Variants in SLC16A5 observed in about 807,000 individuals in gnomAD.
The protein encoded by SLC16A5 is monocarboxylate transporter 6.
In SLC16A5, 29 loss-of-function variants were observed where a neutral mutation model predicts 33.2. That is an observed-to-expected ratio of 0.87 (90% CI 0.65 to 1.19). The LOEUF (loss-of-function observed/expected upper bound fraction) is 1.19. SLC16A5 is among the 50% of genes most tolerant of loss of function. The pLI is 0.00. For synonymous variants in SLC16A5, 248 were observed against 284.1 expected, an observed-to-expected ratio of 0.87 and a Z score of 1.28; for missense variants, 606 against 678.2, an observed-to-expected ratio of 0.89 and a Z score of 1.18.
chr17:75,100,354 A>T lies in SLC16A5; in HGVS notation c.691A>T (p.Ile231Phe), dbSNP rs2073777040. 10 of 1,614,120 alleles carry T rather than the reference A, an allele frequency of 6.2e-6. No homozygotes were observed. The highest frequency in any genetic ancestry group is 7.6e-6 in the Non-Finnish European group (9 of 1,180,028). The change falls in exon 5 of 7, where the codon ATC becomes TTC. Residue 231 changes from isoleucine to phenylalanine, a missense_variant. By Grantham distance (21) the Ile-to-Phe change is conservative (BLOSUM62 0). Coordinates refer to ENST00000329783, the MANE Select transcript of SLC16A5 (RefSeq NM_004695.4). ...RTIQRHLAFD[I>F]LRHNTGYCVY... ...CATCCAGCGCCACCTGGCCTTCGACATCCTGCGGCACAACACAGGCTACTG... is the reference window on the plus strand; with the variant it reads ...CATCCAGCGCCACCTGGCCTTCGACTTCCTGCGGCACAACACAGGCTACTG...
At chr17:75,102,232 C>A (rs1293519796) in intron 5 of SLC16A5, among the ~76,000 whole-genome samples, 1 of 152,114 alleles carries the variant, frequency 6.6e-6, no homozygotes, top group East Asian at 1.9e-4. Flanking sequence ...CATGGTGAAA[C>A]CCCATCTCTA....
At position 75,100,699 on chromosome 17, in the gene SLC16A5, G is replaced by A. The variant is rs377663371; in HGVS notation, c.1036G>A (p.Gly346Ser). ...GTACAGCGTGTCCATGAGTGGCATC[G>A]GCGCCCTCATCTTCCAGGTTCTCAT... is the stretch of plus-strand genomic sequence containing the variant. ...LAYSVSMSGI[G>S]ALIFQVLMDI... The change falls in exon 5 of 7, where the codon GGC becomes AGC. Residue 346 changes from glycine (G) to serine (S), a missense_variant. Gly to Ser is a moderately conservative substitution (Grantham distance 56, BLOSUM62 0). Transcript: ENST00000329783. The A allele has an allele frequency of 2.3e-5, 37 of 1,614,138 alleles. No homozygotes were observed. Among genetic ancestry groups the A allele is most frequent in the African/African-American group, 4.0e-5 (3 of 75,028 alleles).
chr17:75,091,040 G>A (rs1287493929), intron 2 of SLC16A5, among the ~76,000 whole-genome samples: 2 of 152,228 alleles, frequency 1.3e-5, no homozygotes, highest in African/African-American at 4.8e-5. Flanking sequence ...GTGGGGAGAG[G>A]GAGCAGGGCT....
At chr17:75,091,007 C>T (rs1015810764) in intron 2 of SLC16A5, among the ~76,000 whole-genome samples, 2 of 152,326 alleles carry the variant, frequency 1.3e-5, no homozygotes, top group South Asian at 4.1e-4. Flanking sequence ...CCTGGCAGAG[C>T]AAGAAGGGAC....
Position 75,100,530 on chromosome 17 carries a change from C to G in SLC16A5, c.867C>G (p.Pro289=). 6.2e-7 allele frequency: 1 copy of G among 1,614,242 alleles called. No individual in the cohort carries two copies. The highest frequency in any genetic ancestry group is 8.5e-7 in the Non-Finnish European group (1 of 1,180,042). The change falls in exon 5 of 7, where the codon CCC becomes CCG. Residue 289 remains proline (P), a synonymous_variant. Coordinates refer to ENST00000329783, the MANE Select transcript of SLC16A5 (RefSeq NM_004695.4). ...IIGFSNIFLR[P]LAGLMAGRPA... ...GCTTCAGCAACATCTTCCTGAGGCC[C>G]CTAGCCGGGCTGATGGCAGGACGGC...
At chr17:75,095,789 A>AGCTGGGAC (rs1398231404) in intron 3 of SLC16A5, among the ~76,000 whole-genome samples, 1 of 151,856 alleles carries the variant, frequency 6.6e-6, no homozygotes, top group Non-Finnish European at 1.5e-5. Flanking sequence ...CCTCCTGAGT[A>AGCTGGGAC]GCTGGGACTA....
intron 3 of SLC16A5, among the ~76,000 whole-genome samples, chr17:75,094,258 A>T (rs898137269): frequency 6.6e-5 from 10 of 152,134 alleles, no homozygotes; most frequent in African/African-American, 2.4e-4. Flanking sequence ...TCCCACATGG[A>T]ATAGCAGGGA....
chr17:75,094,480 A>G (rs2073689016), intron 3 of SLC16A5, among the ~76,000 whole-genome samples: 1 of 152,140 alleles, frequency 6.6e-6, no homozygotes, highest in African/African-American at 2.4e-5. Context: ...TGAGGTCGGG[A>G]GTTTGAGACC....
intron 3 of SLC16A5, among the ~76,000 whole-genome samples, chr17:75,095,331 C>G (rs1051185065): frequency 2.0e-5 from 3 of 152,170 alleles, no homozygotes; most frequent in African/African-American, 2.4e-5. Context: ...GGGCACCCGG[C>G]GGGGAACCTA....
intron 3 of SLC16A5, among the ~76,000 whole-genome samples, chr17:75,096,385 G>T (rs1018681884): frequency 2.0e-5 from 3 of 150,086 alleles, no homozygotes; most frequent in African/African-American, 7.5e-5. Context: ...CCTAAGTCAG[G>T]CCAGAGTCTC....
chr17:75,100,007 G>T lies in SLC16A5; in HGVS notation c.344G>T (p.Gly115Val). The T allele has an allele frequency of 6.2e-7, 1 of 1,608,430 alleles. No homozygotes were observed. The highest frequency in any genetic ancestry group is 8.5e-7 in the Non-Finnish European group (1 of 1,178,812). ...GCTGGTTTCCCCTCTTGCCCCGCAG[G>T]CCTGGGCATGTGCTTCAGCTTCCAG... The part of the protein sequence containing the change: ...QLYFTAGFIT[G>V]LGMCFSFQSS... Residue 115 changes from glycine to valine, a missense_variant and splice_region_variant, in exon 5 of 7, where the codon GGC becomes GTC. Gly to Val is a moderately radical substitution (Grantham distance 109). Transcript: ENST00000329783.
At chr17:75,096,596 T>C (rs1436857783) in intron 3 of SLC16A5, among the ~76,000 whole-genome samples, 1 of 150,800 alleles carries the variant, frequency 6.6e-6, no homozygotes, top group Non-Finnish European at 1.5e-5. Context: ...AGTGGCACAG[T>C]CTCGGCTCAC....
Position 75,106,043 on chromosome 17 carries a change from T to G in SLC16A5, c.*10T>G. 7.1e-7 allele frequency: 1 copy of G among 1,412,136 alleles called. No individual in the cohort carries two copies. Among genetic ancestry groups the G allele is most frequent in the Non-Finnish European group, 9.8e-7 (1 of 1,021,506 alleles). 87.5% of individuals were successfully genotyped at this position (1,412,136 alleles called of 1,614,324 possible). A position where few individuals can be genotyped will look rare whatever the true frequency, so the allele number is the denominator to read the frequency against. ...GAATAGCCCTACCTGAGTGCCCTGT[T>G]TGACTCCGCCACTATCTGCCATGTG... On this transcript the variant is annotated 3_prime_UTR_variant, in exon 7 of 7. Coordinates refer to ENST00000329783, the MANE Select transcript of SLC16A5 (RefSeq NM_004695.4).
rs775155721 is a variant in SLC16A5, at chr17:75,100,000, C to T, written c.344-7C>T. On this transcript the variant is annotated splice_region_variant and splice_polypyrimidine_tract_variant and intron_variant, in intron 4 of 6. Coordinates refer to ENST00000329783, the MANE Select transcript of SLC16A5 (RefSeq NM_004695.4). ...CCTCCAGGCTGGTTTCCCCTCTTGC[C>T]CCGCAGGCCTGGGCATGTGCTTCAG... The T allele has an allele frequency of 1.9e-6, 3 of 1,603,748 alleles. No homozygotes were observed. The highest frequency in any genetic ancestry group is 2.7e-5 in the African/African-American group (2 of 74,942).
At chr17:75,099,497 A>G (rs984436681) in intron 4 of SLC16A5, among the ~76,000 whole-genome samples, 1 of 151,866 alleles carries the variant, frequency 6.6e-6, no homozygotes, top group Non-Finnish European at 1.5e-5. Flanking sequence ...GCTCACTGCA[A>G]CCTCCACAAC....
Position 75,096,532 on chromosome 17 carries a change from C to CT in SLC16A5, c.200-1492dup, listed in dbSNP as rs371484359. ...CACTTAGTCTGTCACTTGCTTTTTTCTTTTTTTTTTTTTTCGGAGATGGAG... is the reference window on the plus strand; with the variant it reads ...CACTTAGTCTGTCACTTGCTTTTTTCTTTTTTTTTTTTTTTCGGAGATGGAG... On this transcript the variant is annotated intron_variant, in intron 3 of 6. Transcript: ENST00000329783. 8.0e-4 allele frequency among the ~76,000 whole-genome samples: 112 copies of CT among 140,604 alleles called. 1 individual carries two copies. Among genetic ancestry groups the CT allele is most frequent in the Admixed American group, 1.5e-3 (21 of 13,882 alleles). The allele number at this position is 140,604 out of a possible 152,430, so 92.2% of individuals were successfully genotyped here.
In SLC16A5 at chr17:75,093,245, G is replaced by A. The variant is rs2073666309; in HGVS notation, c.-48-344G>A. On this transcript the variant is annotated intron_variant, in intron 2 of 6. Coordinates refer to ENST00000329783, the MANE Select transcript of SLC16A5 (RefSeq NM_004695.4). ...CATTCTACAAGTAGTGACTGAGTGGGCTAGGAGGTCCCCCTGTTGACTTCT... is the reference window on the plus strand; with the variant it reads ...CATTCTACAAGTAGTGACTGAGTGGACTAGGAGGTCCCCCTGTTGACTTCT... The A allele has an allele frequency of 1.4e-5, 9 of 646,522 alleles. No individual in the cohort carries two copies. In the East Asian group the frequency reaches 2.5e-4, roughly 18 times the overall value. 40.0% of individuals were successfully genotyped at this position (646,522 alleles called of 1,614,324 possible). A position where few individuals can be genotyped will look rare whatever the true frequency, so the allele number is the denominator to read the frequency against.
intron 5 of SLC16A5, 63 bp downstream of exon 5, chr17:75,100,879 C>G: frequency 7.1e-7 from 1 of 1,416,268 alleles, no homozygotes; most frequent in Non-Finnish European, 9.5e-7. Flanking sequence ...TTAGACAGAT[C>G]TGGGCCCAGT....
chr17:75,093,542 G>C, intron 2 of SLC16A5, 47 bp from the exon 3 acceptor site: 1 of 1,541,674 alleles, frequency 6.5e-7, no homozygotes, highest in Non-Finnish European at 8.7e-7. Flanking sequence ...GGCCAGGAGA[G>C]ACGGACAGCC....
Sources: gnomAD v4.1 joint callset for allele counts (sites outside exome capture counted in the v4.1 genomes callset) on GRCh38, gnomAD v4.1.1 for gene constraint, MANE v1.5 for transcripts, NCBI Gene and HGNC (gene_info 2026-07-23, HGNC 2026-07-21) for gene names.